Variants in MAPK10 observed in about 807,000 individuals in gnomAD.
The protein encoded by MAPK10 is mitogen-activated protein kinase 10.
A neutral mutation model predicts 59.3 loss-of-function variants in MAPK10; 25 were observed. The ratio of observed to expected loss-of-function variants is 0.42; its 90% CI spans 0.31 to 0.59. MAPK10 has a LOEUF of 0.59. Ranked by LOEUF, MAPK10 falls within the 20% of genes least tolerant of loss-of-function variation. The probability of loss-of-function intolerance (pLI) is 0.15; values close to 1 mark genes in which losing one functional copy is unlikely to be tolerated. For missense variants in MAPK10, 351 were observed against 568.9 expected (o/e 0.62, Z 3.90); for synonymous variants, 190 against 200.5 (o/e 0.95, Z 0.44).
intron 1 of MAPK10, among the ~76,000 whole-genome samples, chr4:86,585,858 T>C (rs1433607259): frequency 6.6e-6 from 1 of 152,180 alleles, no homozygotes; most frequent in Non-Finnish European, 1.5e-5. Context: ...AAAAAAATTA[T>C]TTTCAAGTGA....
chr4:86,435,951 A>G (rs970918430), intron 1 of MAPK10, among the ~76,000 whole-genome samples: 1 of 152,230 alleles, frequency 6.6e-6, no homozygotes, highest in African/African-American at 2.4e-5. Context: ...ATATCTAACC[A>G]CAAACTTACT....
At chr4:86,221,092 G>A (rs1019475747) in intron 2 of MAPK10, among the ~76,000 whole-genome samples, 10 of 152,204 alleles carry the variant, frequency 6.6e-5, no homozygotes, top group African/African-American at 2.4e-4. Flanking sequence ...GCTGGGAAGT[G>A]CCCATCAGTC....
intron 1 of MAPK10, among the ~76,000 whole-genome samples, chr4:86,394,976 G>A (rs1001781536): frequency 1.3e-5 from 2 of 152,098 alleles, no homozygotes; most frequent in African/African-American, 2.4e-5. Context: ...CACCATCTGT[G>A]GGGAAACGTT....
intron 11 of MAPK10, among the ~76,000 whole-genome samples, chr4:86,056,934 TTTTG>T (rs2044663836): frequency 2.7e-5 from 3 of 112,406 alleles, no homozygotes; most frequent in South Asian, 4.8e-4. Context: ...GTCAGGACTT[TTTTG>T]TTTATTTATT....
At chr4:86,536,180 CA>C (rs1236264720) in intron 1 of MAPK10, among the ~76,000 whole-genome samples, 1 of 152,066 alleles carries the variant, frequency 6.6e-6, no homozygotes, top group Non-Finnish European at 1.5e-5. Context: ...TAGTCTACAC[CA>C]AAAAACCTCT....
intron 1 of MAPK10, among the ~76,000 whole-genome samples, chr4:86,469,020 G>C (rs1213179170): frequency 6.6e-6 from 1 of 152,158 alleles, no homozygotes; most frequent in Non-Finnish European, 1.5e-5. Flanking sequence ...GGAAAGCAAA[G>C]ACTCAGAGGG....
intron 4 of MAPK10, among the ~76,000 whole-genome samples, chr4:86,135,000 C>T (rs1009497756): frequency 3.9e-5 from 6 of 152,192 alleles, no homozygotes; most frequent in Non-Finnish European, 7.3e-5. Flanking sequence ...CGGCGCACCA[C>T]GAGATTATAT....
At position 86,015,985 on chromosome 4, in the gene MAPK10, T is replaced by C. The variant is rs1452107807; in HGVS notation, c.*1243A>G. 6.6e-6 allele frequency: 1 copy of C among 152,158 alleles called. No individual in the cohort carries two copies. Among genetic ancestry groups the C allele is most frequent in the Non-Finnish European group, 1.5e-5 (1 of 68,036 alleles). 9.4% of individuals were successfully genotyped at this position (152,158 alleles called of 1,614,324 possible). A position where few individuals can be genotyped will look rare whatever the true frequency, so the allele number is the denominator to read the frequency against. The stretch of plus-strand genomic sequence containing the variant: ...ATTTCAGAAGAGGAAAGTAATATTA[T>C]TTCTCAAAATAAAACTTTGGCAGAG... On this transcript the variant is annotated 3_prime_UTR_variant, in exon 14 of 14. Transcript: ENST00000641462.
In MAPK10 at chr4:86,548,066, G is replaced by T. The variant is rs1759393540; in HGVS notation, c.-263+45844C>A. 2.0e-5 allele frequency among the ~76,000 whole-genome samples: 3 copies of T among 152,132 alleles called. No homozygotes were observed. The South Asian group carries it at 6.2e-4, about 32-fold the overall frequency. Reference sequence around the variant, plus strand: ...TCCCCTTCCACACTGTGGAATCTTGGTTCTTTCACTCTTTGCAATAAATCT... The same window carrying T: ...TCCCCTTCCACACTGTGGAATCTTGTTTCTTTCACTCTTTGCAATAAATCT... On this transcript the variant is annotated intron_variant, in intron 1 of 4. Coordinates refer to the MAPK10 transcript ENST00000502302.
intron 4 of MAPK10, among the ~76,000 whole-genome samples, chr4:86,150,785 C>T (rs972868278): frequency 3.3e-5 from 5 of 152,156 alleles, no homozygotes; most frequent in Admixed American, 1.3e-4. Flanking sequence ...TGGCAAGAAC[C>T]AGGGAGGTGG....
At chr4:86,071,017 A>C (rs1033259900) in intron 9 of MAPK10, among the ~76,000 whole-genome samples, 73 of 151,956 alleles carry the variant, frequency 4.8e-4, no homozygotes, top group African/African-American at 1.8e-3. Context: ...AACAGTGTAA[A>C]AGTGTTGCTA....
At chr4:86,232,586 G>A (rs2091723066) in intron 2 of MAPK10, among the ~76,000 whole-genome samples, 1 of 152,082 alleles carries the variant, frequency 6.6e-6, no homozygotes, top group African/African-American at 2.4e-5. Flanking sequence ...TCTTAGCCAG[G>A]ATGGTCTTCA....
chr4:86,439,587 TC>T (rs1749173411), intron 1 of MAPK10, among the ~76,000 whole-genome samples: 1 of 152,240 alleles, frequency 6.6e-6, no homozygotes, highest in African/African-American at 2.4e-5. Flanking sequence ...ACAGACGTTT[TC>T]CTTTCTCTTG....
chr4:86,563,318 T>C (rs951311270), intron 1 of MAPK10, among the ~76,000 whole-genome samples: 2 of 152,170 alleles, frequency 1.3e-5, no homozygotes, highest in Non-Finnish European at 2.9e-5. Flanking sequence ...AACATAACAA[T>C]TCATTTACAA....
rs1163699786 is a variant in MAPK10 at position 86,016,181 on chromosome 4, CCACTT to C, written c.*1042_*1046del. The C allele has an allele frequency of 1.3e-5, 2 of 152,148 alleles. No individual in the cohort carries two copies. Among genetic ancestry groups the C allele is most frequent in the African/African-American group, 4.8e-5 (2 of 41,402 alleles). 9.4% of individuals were successfully genotyped at this position (152,148 alleles called of 1,614,324 possible). On this transcript the variant is annotated 3_prime_UTR_variant, in exon 14 of 14. Coordinates refer to ENST00000641462, the MANE Select transcript of MAPK10 (RefSeq NM_138982.4). ...CACAATAACCTTGCTTCACCACCTG[CCACTT>C]TCTCCAGTGGCCTCTTGTTGTGACC...
At chr4:86,458,164 G>A (rs1023916473), upstream of MAPK10, among the ~76,000 whole-genome samples, 2 of 152,144 alleles carry the variant, frequency 1.3e-5, no homozygotes, top group East Asian at 3.9e-4. Flanking sequence ...GCCAGGCATG[G>A]TGGCATATGC....
At chr4:86,300,058 A>AT (rs1402733960) in intron 2 of MAPK10, among the ~76,000 whole-genome samples, 2 of 151,564 alleles carry the variant, frequency 1.3e-5, no homozygotes, top group Non-Finnish European at 2.9e-5. Context: ...ACACCTGGCT[A>AT]TTTTTTGTAT....
At chr4:86,327,229 C>T (rs1158088508) in intron 2 of MAPK10, 7 of 151,990 alleles carry the variant, frequency 4.6e-5, no homozygotes, top group Admixed American at 4.6e-4. Flanking sequence ...CCTACCTTAC[C>T]CTCCCAAAGT....
chr4:86,120,345 G>A (rs1457736303), intron 4 of MAPK10: 2 of 152,136 alleles, frequency 1.3e-5, no homozygotes, highest in African/African-American at 4.8e-5. Flanking sequence ...TCAAAAGCAG[G>A]AACTTCTTAA....
Sources: gnomAD v4.1 joint callset for allele counts (sites outside exome capture counted in the v4.1 genomes callset) on GRCh38, gnomAD v4.1.1 for gene constraint, MANE v1.5 for transcripts, NCBI Gene and HGNC (gene_info 2026-07-23, HGNC 2026-07-21) for gene names.